COL4A1: variants seen among roughly 807,000 people sequenced by gnomAD.
The protein encoded by COL4A1 is collagen alpha-1(IV) chain.
A neutral mutation model predicts 216.6 loss-of-function variants in COL4A1; 40 were observed. The observed-to-expected ratio is 0.18, with a 90% CI of 0.14 to 0.24. The LOEUF (loss-of-function observed/expected upper bound fraction) is 0.24, where lower values mean the gene tolerates loss of function less well. COL4A1 is among the 10% of genes least tolerant of loss of function. The pLI, the probability that COL4A1 is intolerant of heterozygous loss-of-function variation, is 1.00. For missense variants in COL4A1, 1,628 were observed against 2,196.8 expected, an observed-to-expected ratio of 0.74 and a Z score of 5.18; for synonymous variants, 839 against 810.7, an observed-to-expected ratio of 1.03 and a Z score of -0.59.
At chr13:110,182,306 C>A (rs927199551) in intron 28 of COL4A1, among the ~76,000 whole-genome samples, 1 of 152,172 alleles carries the variant, frequency 6.6e-6, no homozygotes, top group African/African-American at 2.4e-5. Context: ...GGGCCTGGAG[C>A]CTCTGGGTAA....
At chr13:110,230,885 C>T (rs1378748289) in intron 2 of COL4A1, among the ~76,000 whole-genome samples, 1 of 152,184 alleles carries the variant, frequency 6.6e-6, no homozygotes, top group Non-Finnish European at 1.5e-5. Context: ...ATGTGTGGTC[C>T]AGGCAGGACA....
intron 1 of COL4A1, among the ~76,000 whole-genome samples, chr13:110,289,103 G>A (rs916095006): frequency 3.3e-5 from 5 of 152,170 alleles, no homozygotes; most frequent in Non-Finnish European, 7.3e-5. Context: ...AGTGGACTAA[G>A]GTCAGTGAGT....
intron 10 of COL4A1, chr13:110,209,717 C>T (rs546285371): frequency 1.6e-4 from 112 of 714,916 alleles, no homozygotes; most frequent in Admixed American, 6.8e-4. Context: ...AGCAGTACCC[C>T]GCCAGCCCCT....
chr13:110,280,118 T>A (rs1464718027), intron 1 of COL4A1, among the ~76,000 whole-genome samples: 1 of 152,270 alleles, frequency 6.6e-6, no homozygotes, highest in African/African-American at 2.4e-5. Flanking sequence ...CATTACCAAA[T>A]GATGAAGTTT....
At chr13:110,241,073 T>A (rs1881545123) in intron 2 of COL4A1, among the ~76,000 whole-genome samples, 1 of 152,192 alleles carries the variant, frequency 6.6e-6, no homozygotes, top group Non-Finnish European at 1.5e-5. Context: ...TTTCACCGTG[T>A]TGGCCAGGAT....
At chr13:110,282,688 T>C (rs1320827476) in intron 1 of COL4A1, among the ~76,000 whole-genome samples, 2 of 152,212 alleles carry the variant, frequency 1.3e-5, no homozygotes, top group Non-Finnish European at 2.9e-5. Context: ...ACAGGGTCTG[T>C]ACCCTGAAGT....
At chr13:110,219,670 A>ATATGTGTGTG (rs1555307846) in intron 2 of COL4A1, among the ~76,000 whole-genome samples, 15 of 72,606 alleles carry the variant, frequency 2.1e-4, no homozygotes, top group Non-Finnish European at 3.7e-4. Flanking sequence ...ATGTATATAT[A>ATATGTGTGTG]TATATATGTG....
intron 1 of COL4A1, among the ~76,000 whole-genome samples, chr13:110,288,270 A>AT (rs1476297966): frequency 4.7e-4 from 69 of 145,948 alleles, no homozygotes; most frequent in Non-Finnish European, 7.7e-4. Flanking sequence ...CTCAAAAAAA[A>AT]AAAAAATAAT....
rs9521638 is a variant in COL4A1, at chr13:110,187,081, A to G, written c.1728+57T>C. ...ATATGATTCAAATTACTCATTTCTC[A>G]ATGCTTTGCAGATCCACACTGTAAA... On this transcript the variant is annotated intron_variant, in intron 25 of 51. Transcript: ENST00000375820. 585,092 of 1,588,336 alleles carry G rather than the reference A, an allele frequency of 0.37. 108,981 individuals are homozygous for G. Among genetic ancestry groups the G allele is most frequent in the African/African-American group, 0.45 (33,397 of 74,456 alleles).
chr13:110,209,870 A>T, intron 10 of COL4A1, 110 bp downstream of exon 10: 1 of 1,335,650 alleles, frequency 7.5e-7, no homozygotes, highest in Non-Finnish European at 1.1e-6. Flanking sequence ...TGTCCAAATT[A>T]AGAGCGACCA....
intron 1 of COL4A1, chr13:110,298,493 C>T (rs1412697689): frequency 6.6e-6 from 1 of 152,156 alleles, no homozygotes; most frequent in Non-Finnish European, 1.5e-5. Context: ...CTAACCATTC[C>T]GTGGATGGTA....
At chr13:110,275,797 A>T (rs1470575857) in intron 1 of COL4A1, among the ~76,000 whole-genome samples, 1 of 152,200 alleles carries the variant, frequency 6.6e-6, no homozygotes, top group South Asian at 2.1e-4. Flanking sequence ...CCAATCTGAA[A>T]AGTCTACATA....
Position 110,275,539 on chromosome 13 carries a change from G to C in COL4A1, c.84+31405C>G, listed in dbSNP as rs536692653. On this transcript the variant is annotated intron_variant, in intron 1 of 51. Transcript: ENST00000375820. ...ACACACCACACAATCCAGCAATCAT[G>C]CTCCTTGCTATTTACCCAAATGAGC... Among the ~76,000 whole-genome samples the C allele has an allele frequency of 3.3e-5, 5 of 152,264 alleles. No individual in the cohort carries two copies. In the South Asian group the frequency reaches 1.0e-3, roughly 32 times the overall value.
Position 110,176,727 on chromosome 13 carries a change from A to T in COL4A1, c.2870-3T>A. The T allele has an allele frequency of 6.2e-7, 1 of 1,614,066 alleles. No individual in the cohort carries two copies. Among genetic ancestry groups the T allele is most frequent in the Non-Finnish European group, 8.5e-7 (1 of 1,179,918 alleles). Reference sequence around the variant, plus strand: ...CTCACCAATTGGTCCAATTTGTCCTACACATCAGAGAAGAAAATAGCAATG... The same window carrying T: ...CTCACCAATTGGTCCAATTTGTCCTTCACATCAGAGAAGAAAATAGCAATG... On this transcript the variant is annotated splice_region_variant and splice_polypyrimidine_tract_variant and intron_variant, in intron 34 of 51. Transcript: ENST00000375820.
chr13:110,253,984 C>G (rs988337413), intron 1 of COL4A1, among the ~76,000 whole-genome samples: 1 of 151,910 alleles, frequency 6.6e-6, no homozygotes, highest in Non-Finnish European at 1.5e-5. Context: ...ACCCCAAAAT[C>G]CAAAATACAA....
chr13:110,251,846 C>A (rs1882087911), intron 1 of COL4A1, among the ~76,000 whole-genome samples: 1 of 152,286 alleles, frequency 6.6e-6, no homozygotes, highest in South Asian at 2.1e-4. Flanking sequence ...TGAACCCACA[C>A]CTGACTTACA....
chr13:110,193,045 T>C, intron 22 of COL4A1, 132 bp from the exon 23 acceptor site: 1 of 799,128 alleles, frequency 1.3e-6, no homozygotes, highest in Admixed American at 2.0e-5. Flanking sequence ...TCAGTGGCAA[T>C]GGCTCCTCCA....
intron 1 of COL4A1, among the ~76,000 whole-genome samples, chr13:110,267,802 G>T (rs1363161900): frequency 6.6e-6 from 1 of 152,122 alleles, no homozygotes. Flanking sequence ...CACAATACAT[G>T]TTTAATTTAA....
chr13:110,179,087 C>T (rs1034077806), intron 30 of COL4A1, 51 bp from the exon 31 acceptor site: 42 of 1,575,438 alleles, frequency 2.7e-5, no homozygotes, highest in Non-Finnish European at 3.6e-5. Context: ...GGCACGTCTC[C>T]CGGCCTAGGA....
Sources: gnomAD v4.1 joint callset for allele counts (sites outside exome capture counted in the v4.1 genomes callset) on GRCh38, gnomAD v4.1.1 for gene constraint, MANE v1.5 for transcripts, NCBI Gene and HGNC (gene_info 2026-07-23, HGNC 2026-07-21) for gene names.